DSTN: variants seen among roughly 807,000 people sequenced by gnomAD.
The protein encoded by DSTN is destrin.
DSTN carries 10 observed loss-of-function variants against 16.8 expected under a neutral mutation model. That is an observed-to-expected ratio of 0.60 (90% CI 0.37 to 1.01). The LOEUF is 1.01. Among genes scored for constraint, DSTN ranks in the 50% least tolerant of loss-of-function variants. DSTN has a pLI of 0.01. For missense variants in DSTN, 141 were observed against 196.7 expected (o/e 0.72, Z 1.69); for synonymous variants, 57 against 58.9 (o/e 0.97, Z 0.14).
chr20:17,593,849 C>T (rs967357585), intron 1 of DSTN, among the ~76,000 whole-genome samples: 2 of 152,142 alleles, frequency 1.3e-5, no homozygotes, highest in African/African-American at 4.8e-5. Context: ...GAGGCCAAGG[C>T]AGGACAATAG....
intron 1 of DSTN, among the ~76,000 whole-genome samples, chr20:17,584,210 T>C (rs796776956): frequency 1.3e-5 from 2 of 152,308 alleles, no homozygotes; most frequent in African/African-American, 4.8e-5. Context: ...TTTAATAATA[T>C]CATGCATGTA....
intron 1 of DSTN, among the ~76,000 whole-genome samples, chr20:17,596,075 C>T (rs1023858657): frequency 6.6e-6 from 1 of 152,170 alleles, no homozygotes; most frequent in Non-Finnish European, 1.5e-5. Context: ...CCAAGCCCAG[C>T]GATCTGTTTT....
At position 17,596,630 on chromosome 20, in the gene DSTN, ATTGGT is replaced by A. The variant is rs150050436; in HGVS notation, c.4-4105_4-4101del. The A allele has an allele frequency of 3.4e-3, 3,388 of 985,316 alleles. 88 individuals are homozygous for A. The African/African-American group carries it at 0.055, about 16-fold the overall frequency. The allele number at this position is 985,316 out of a possible 1,614,324, so 61.0% of individuals were successfully genotyped here. On this transcript the variant is annotated intron_variant, in intron 1 of 3. Transcript: ENST00000246069. ...TCTGAATATTTGTAATTGTGTCAAA[ATTGGT>A]TTTCTGCTTCCAGTTTCTGTGCCAG...
intron 1 of DSTN, chr20:17,599,469 A>G (rs1006152487): frequency 2.0e-5 from 3 of 152,254 alleles, no homozygotes; most frequent in Non-Finnish European, 4.4e-5. Context: ...GGTGCCTACC[A>G]GCATAACAGA....
chr20:17,601,373 T>A (rs1190274841), intron 2 of DSTN, among the ~76,000 whole-genome samples: 3 of 149,938 alleles, frequency 2.0e-5, no homozygotes, highest in Non-Finnish European at 3.0e-5. Flanking sequence ...GCCAAAACCC[T>A]ACTTTTCCAA....
intron 1 of DSTN, among the ~76,000 whole-genome samples, chr20:17,595,159 C>A (rs772915698): frequency 6.6e-6 from 1 of 152,196 alleles, no homozygotes; most frequent in African/African-American, 2.4e-5. Context: ...ACCACCCTCA[C>A]CCCTTGACCT....
chr20:17,570,848 C>G (rs1056223687), intron 1 of DSTN, among the ~76,000 whole-genome samples: 1 of 152,198 alleles, frequency 6.6e-6, no homozygotes, highest in East Asian at 1.9e-4. Flanking sequence ...GCAGCACTCT[C>G]GTCGTGCTTG....
chr20:17,607,296 A>C lies in DSTN; in HGVS notation c.*150A>C. On this transcript the variant is annotated 3_prime_UTR_variant, in exon 4 of 4. Transcript: ENST00000246069. Reference sequence around the variant, plus strand: ...AACTATTCTATAAACATATGCAAACAGCCCTAAATAAATCTAAAGTCTAAA... The same window carrying C: ...AACTATTCTATAAACATATGCAAACCGCCCTAAATAAATCTAAAGTCTAAA... The C allele has an allele frequency of 1.8e-6, 1 of 554,824 alleles. No individual in the cohort carries two copies. Among genetic ancestry groups the C allele is most frequent in the East Asian group, 3.1e-5 (1 of 31,958 alleles). The allele number at this position is 554,824 out of a possible 1,614,324, so 34.4% of individuals were successfully genotyped here.
chr20:17,603,228 G>A (rs2035605505), intron 2 of DSTN, among the ~76,000 whole-genome samples: 1 of 152,126 alleles, frequency 6.6e-6, no homozygotes, highest in Admixed American at 6.5e-5. Flanking sequence ...GCTCATGGCT[G>A]TTGAATGTCC....
At chr20:17,587,698 G>A (rs1219707094) in intron 1 of DSTN, among the ~76,000 whole-genome samples, 1 of 151,292 alleles carries the variant, frequency 6.6e-6, no homozygotes, top group African/African-American at 2.4e-5. Context: ...CTGTCATTGT[G>A]TACATGATAA....
chr20:17,607,364 G>A lies in DSTN; in HGVS notation c.*218G>A, dbSNP rs1192590626. On this transcript the variant is annotated 3_prime_UTR_variant, in exon 4 of 4. Transcript: ENST00000246069. ...TTAAATTCTTATTGGCCAAATGCCTGTTTTGATGAGTTGATTTATAAAGAT... is the reference window on the plus strand; with the variant it reads ...TTAAATTCTTATTGGCCAAATGCCTATTTTGATGAGTTGATTTATAAAGAT... The A allele has an allele frequency of 7.1e-6, 3 of 424,930 alleles. No homozygotes were observed. The highest frequency in any genetic ancestry group is 1.2e-5 in the Non-Finnish European group (3 of 241,568). 26.3% of individuals were successfully genotyped at this position (424,930 alleles called of 1,614,324 possible).
intron 1 of DSTN, among the ~76,000 whole-genome samples, chr20:17,584,545 G>A (rs1013474780): frequency 1.3e-5 from 2 of 151,830 alleles, no homozygotes; most frequent in African/African-American, 2.4e-5. Flanking sequence ...CCAGCTACTC[G>A]GGAGGCTGAG....
At chr20:17,587,018 AATAT>A (rs751670400) in intron 1 of DSTN, among the ~76,000 whole-genome samples, 4 of 151,514 alleles carry the variant, frequency 2.6e-5, no homozygotes, top group Non-Finnish European at 5.9e-5. Context: ...CCAGTTTAAA[AATAT>A]ATATATATTC....
intron 1 of DSTN, among the ~76,000 whole-genome samples, chr20:17,581,507 C>T (rs1166206792): frequency 2.6e-5 from 4 of 152,042 alleles, no homozygotes; most frequent in African/African-American, 4.8e-5. Flanking sequence ...ACAACACAAC[C>T]AACTATTGCT....
intron 1 of DSTN, among the ~76,000 whole-genome samples, chr20:17,596,325 T>C (rs1296635276): frequency 1.3e-5 from 2 of 152,200 alleles, no homozygotes; most frequent in Non-Finnish European, 2.9e-5. Flanking sequence ...GTCCAAAATA[T>C]GGATTAGGTG....
intron 2 of DSTN, among the ~76,000 whole-genome samples, chr20:17,603,053 A>AGG (rs1401440048): frequency 2.4e-4 from 36 of 152,326 alleles, no homozygotes; most frequent in Non-Finnish European, 4.7e-4. Context: ...CCCACCCTGT[A>AGG]GCTCAAACAT....
chr20:17,574,712 C>T (rs1303367299), intron 1 of DSTN, among the ~76,000 whole-genome samples: 15 of 104,692 alleles, frequency 1.4e-4, no homozygotes, highest in African/African-American at 5.8e-4. Flanking sequence ...GGTGACAGAG[C>T]GAGACTCAGT....
At chr20:17,585,957 A>C (rs1192926599) in intron 1 of DSTN, among the ~76,000 whole-genome samples, 1 of 152,048 alleles carries the variant, frequency 6.6e-6, no homozygotes. Context: ...TTTATTATTT[A>C]TTTATGTATT....
chr20:17,601,500 G>C (rs1265806487), intron 2 of DSTN, among the ~76,000 whole-genome samples: 1 of 151,986 alleles, frequency 6.6e-6, no homozygotes, highest in Non-Finnish European at 1.5e-5. Flanking sequence ...GCTATAATTT[G>C]CTCTACAGTT....
Sources: gnomAD v4.1 joint callset for allele counts (sites outside exome capture counted in the v4.1 genomes callset) on GRCh38, gnomAD v4.1.1 for gene constraint, MANE v1.5 for transcripts, NCBI Gene and HGNC (gene_info 2026-07-23, HGNC 2026-07-21) for gene names.